SPACA7: variants seen among roughly 807,000 people sequenced by gnomAD.
The protein encoded by SPACA7 is sperm acrosome-associated protein 7.
In SPACA7, 19 loss-of-function variants were observed where a neutral mutation model predicts 26.3. That is an observed-to-expected ratio of 0.72 (90% confidence interval 0.50 to 1.06). The LOEUF (loss-of-function observed/expected upper bound fraction) is 1.06, where lower values mean the gene tolerates loss of function less well. Among genes scored for constraint, SPACA7 ranks in the 50% least tolerant of loss-of-function variants. The probability of loss-of-function intolerance (pLI) is 0.00; values close to 1 mark genes in which losing one functional copy is unlikely to be tolerated. For synonymous variants in SPACA7, 84 were observed against 84.5 expected (o/e 0.99, Z 0.04); for missense variants, 211 against 229.9 (o/e 0.92, Z 0.53).
Position 112,434,528 on chromosome 13 carries a change from G to A in SPACA7, c.567G>A (p.Arg189=), listed in dbSNP as rs781122099. 3 of 1,609,716 alleles carry A rather than the reference G, an allele frequency of 1.9e-6. No homozygotes were observed. Among genetic ancestry groups the A allele is most frequent in the South Asian group, 2.2e-5 (2 of 90,068 alleles). ...HKEQQRTSAQ[R]RSQGSQ The stretch of plus-strand genomic sequence containing the variant: ...AGCAGCAGAGGACCAGCGCACAGAG[G>A]AGGAGCCAAGGCAGTCAGTGAGGCC... Residue 189 remains arginine (R), a synonymous_variant, in exon 7 of 7, where the codon AGG becomes AGA. Coordinates refer to ENST00000283550, the MANE Select transcript of SPACA7 (RefSeq NM_145248.5).
At chr13:112,423,264 A>G (rs755572733) in intron 5 of SPACA7, among the ~76,000 whole-genome samples, 2 of 152,230 alleles carry the variant, frequency 1.3e-5, no homozygotes, top group Non-Finnish European at 2.9e-5. Flanking sequence ...GGAAAACACA[A>G]CATGTCAAAA....
intron 5 of SPACA7, among the ~76,000 whole-genome samples, chr13:112,432,065 C>T (rs1877200443): frequency 6.6e-6 from 1 of 152,198 alleles, no homozygotes; most frequent in East Asian, 1.9e-4. Context: ...GCTCAAGTGA[C>T]CATGAGTGTC....
chr13:112,402,570 A>G (rs1885716981), intron 5 of SPACA7, among the ~76,000 whole-genome samples: 1 of 152,194 alleles, frequency 6.6e-6, no homozygotes, highest in African/African-American at 2.4e-5. Flanking sequence ...ATAATGTTTA[A>G]TAGTAGTGGA....
chr13:112,432,960 A>C (rs1877316588), intron 6 of SPACA7, among the ~76,000 whole-genome samples: 1 of 151,636 alleles, frequency 6.6e-6, no homozygotes, highest in East Asian at 2.0e-4. Context: ...GCCCTTCTCC[A>C]CTCCCTGTTC....
intron 1 of SPACA7, among the ~76,000 whole-genome samples, chr13:112,377,009 C>T (rs61960773): frequency 0.12 from 18,914 of 152,206 alleles, 1,551 homozygotes; most frequent in South Asian, 0.34. Context: ...TAAAGATGGG[C>T]AGGCAGCCTT....
At chr13:112,379,958 AT>A (rs751692220) in intron 1 of SPACA7, among the ~76,000 whole-genome samples, 14 of 152,242 alleles carry the variant, frequency 9.2e-5, no homozygotes, top group Non-Finnish European at 1.8e-4. Context: ...TTTTAAAACA[AT>A]TTAGCTCTTT....
chr13:112,382,045 A>G (rs1035737941), intron 1 of SPACA7, among the ~76,000 whole-genome samples: 1 of 152,210 alleles, frequency 6.6e-6, no homozygotes, highest in Non-Finnish European at 1.5e-5. Context: ...TTTGGGAAAG[A>G]GCTGTTACCG....
At position 112,415,217 on chromosome 13, in the gene SPACA7, A is replaced by T. The variant is rs191273789; in HGVS notation, c.445+14053A>T. 2.0e-3 allele frequency among the ~76,000 whole-genome samples: 301 copies of T among 152,008 alleles called. 1 individual carries two copies. The highest frequency in any genetic ancestry group is 7.0e-3 in the African/African-American group (291 of 41,438). ...CTGAGCTGCCTGGAGTTGGAAGAGG[A>T]GTGATACCGGCACTCTCATGGCCGC... On this transcript the variant is annotated intron_variant, in intron 5 of 6. Transcript: ENST00000283550.
chr13:112,416,895 C>T (rs1025119811), intron 5 of SPACA7, among the ~76,000 whole-genome samples: 1 of 151,750 alleles, frequency 6.6e-6, no homozygotes, highest in Non-Finnish European at 1.5e-5. Flanking sequence ...TTTGATGAAG[C>T]TCATCCTGTA....
intron 1 of SPACA7, among the ~76,000 whole-genome samples, chr13:112,380,615 T>C (rs1883995254): frequency 6.6e-6 from 1 of 152,164 alleles, no homozygotes; most frequent in African/African-American, 2.4e-5. Context: ...ACTCGTTACA[T>C]CTTTCCATAC....
At position 112,380,709 on chromosome 13, in the gene SPACA7, C is replaced by A. The variant is rs531330705; in HGVS notation, c.94+4230C>A. Among the ~76,000 whole-genome samples the A allele has an allele frequency of 5.9e-5, 9 of 152,148 alleles. No individual in the cohort carries two copies. The South Asian group carries it at 1.9e-3, about 31-fold the overall frequency. On this transcript the variant is annotated intron_variant, in intron 1 of 6. Transcript: ENST00000283550. ...GTAGGACAAAATTACTCACTTTTTT[C>A]GTCAACAAAAACACATTCTTCATAT... is the stretch of plus-strand genomic sequence containing the variant.
chr13:112,398,966 T>A, intron 3 of SPACA7, 100 bp from the exon 4 acceptor site: 1 of 734,680 alleles, frequency 1.4e-6, no homozygotes, highest in South Asian at 1.6e-5. Context: ...TGTATTAACA[T>A]CCCAACCTTA....
chr13:112,391,287 A>G (rs778539035), intron 1 of SPACA7, among the ~76,000 whole-genome samples: 58 of 152,338 alleles, frequency 3.8e-4, no homozygotes, highest in Non-Finnish European at 6.3e-4. Flanking sequence ...CACGAGGAAC[A>G]TTGGGTTTCC....
chr13:112,432,819 C>A (rs1330461610), intron 6 of SPACA7, among the ~76,000 whole-genome samples: 1 of 152,228 alleles, frequency 6.6e-6, no homozygotes, highest in Admixed American at 6.5e-5. Context: ...AAGGCTGCCA[C>A]CACCCACCTA....
chr13:112,413,168 T>C (rs750943980), intron 5 of SPACA7, among the ~76,000 whole-genome samples: 1 of 152,212 alleles, frequency 6.6e-6, no homozygotes, highest in Non-Finnish European at 1.5e-5. Flanking sequence ...ACTTTTACCA[T>C]TGAGTTTCAT....
intron 2 of SPACA7, among the ~76,000 whole-genome samples, chr13:112,396,144 C>A (rs1885237375): frequency 7.1e-6 from 1 of 141,414 alleles, no homozygotes; most frequent in Non-Finnish European, 1.6e-5. Flanking sequence ...GAGTTTGGGT[C>A]CCCAGGAGGC....
intron 5 of SPACA7, among the ~76,000 whole-genome samples, chr13:112,411,769 G>T (rs899590353): frequency 4.6e-5 from 7 of 151,984 alleles, no homozygotes; most frequent in African/African-American, 1.7e-4. Context: ...CAGGATTTTG[G>T]TTTTTTATGA....
chr13:112,412,204 G>A (rs1886396108), intron 5 of SPACA7, among the ~76,000 whole-genome samples: 1 of 152,066 alleles, frequency 6.6e-6, no homozygotes. Flanking sequence ...GGTGATTAAT[G>A]CTTTTCACAT....
At chr13:112,415,764 C>A (rs192280016) in intron 5 of SPACA7, among the ~76,000 whole-genome samples, 10 of 152,158 alleles carry the variant, frequency 6.6e-5, no homozygotes, top group Non-Finnish European at 1.5e-4. Flanking sequence ...TATAGCCCTG[C>A]TGACACTGAA....
Sources: gnomAD v4.1 joint callset for allele counts (sites outside exome capture counted in the v4.1 genomes callset) on GRCh38, gnomAD v4.1.1 for gene constraint, MANE v1.5 for transcripts, NCBI Gene and HGNC (gene_info 2026-07-23, HGNC 2026-07-21) for gene names.